Variants in PCDHGA3 observed in about 807,000 individuals in gnomAD.
The protein encoded by PCDHGA3 is protocadherin gamma subfamily A, 3.
PCDHGA3 carries 40 observed loss-of-function variants against 58.5 expected under a neutral mutation model. The observed-to-expected ratio is 0.68, with a 90% CI of 0.53 to 0.89. PCDHGA3 has a LOEUF of 0.89. Among genes scored for constraint, PCDHGA3 ranks in the 40% least tolerant of loss-of-function variants. PCDHGA3 has a pLI of 0.00. For synonymous variants in PCDHGA3, 530 were observed against 525.7 expected (o/e 1.01, Z -0.11); for missense variants, 1,223 against 1,195.9 (o/e 1.02, Z -0.33).
rs898536568 is a variant in PCDHGA3 at position 141,478,080 on chromosome 5, C to T, written c.2425-16727C>T. The T allele has an allele frequency of 1.9e-6, 3 of 1,614,012 alleles. No homozygotes were observed. The Admixed American group carries it at 5.0e-5, about 27-fold the overall frequency. The stretch of plus-strand genomic sequence containing the variant: ...TTGATCAAAGACAATGGGGAGCCTT[C>T]GCTCTCCACCACTGCTACCCTCACT... On this transcript the variant is annotated intron_variant, in intron 1 of 3. Coordinates refer to ENST00000253812, the MANE Select transcript of PCDHGA3 (RefSeq NM_018916.4).
At chr5:141,502,291 G>A (rs1346186675) in intron 2 of PCDHGA3, among the ~76,000 whole-genome samples, 1 of 151,370 alleles carries the variant, frequency 6.6e-6, no homozygotes, top group African/African-American at 2.5e-5. Context: ...GCATTTGGTT[G>A]TCACGTCTTT....
intron 1 of PCDHGA3, among the ~76,000 whole-genome samples, chr5:141,481,300 GA>G (rs998363845): frequency 3.3e-5 from 5 of 152,248 alleles, no homozygotes; most frequent in African/African-American, 1.2e-4. Context: ...TCATCTAAGG[GA>G]AAAACCTTCC....
intron 1 of PCDHGA3, chr5:141,366,483 G>T (rs1194485862): frequency 1.4e-5 from 23 of 1,614,118 alleles, no homozygotes; most frequent in Non-Finnish European, 1.8e-5. Flanking sequence ...AGACTGAGGC[G>T]CTGGCACAAG....
At position 141,476,923 on chromosome 5, in the gene PCDHGA3, G is replaced by A. The variant is rs368207814; in HGVS notation, c.2425-17884G>A. On this transcript the variant is annotated intron_variant, in intron 1 of 3. Transcript: ENST00000253812. This position sits in a 1 kb window ranked among gnomAD's most constrained non-coding sequence, Gnocchi z 7.6. ...CGCGCGTGGTACAAGTCCTTGCAAC[G>A]GATCTGGATGAAGGCCCCAACGGTG... The A allele has an allele frequency of 5.0e-6, 8 of 1,614,024 alleles. No individual in the cohort carries two copies. Among genetic ancestry groups the A allele is most frequent in the African/African-American group, 4.0e-5 (3 of 74,952 alleles).
At chr5:141,357,094 C>T in intron 1 of PCDHGA3, 1 of 1,613,884 alleles carries the variant, frequency 6.2e-7, no homozygotes, top group Non-Finnish European at 8.5e-7. Flanking sequence ...CGCACGGGCC[C>T]TGCTGGACAG....
intron 2 of PCDHGA3, among the ~76,000 whole-genome samples, chr5:141,500,985 C>T (rs2099804537): frequency 6.6e-6 from 1 of 152,048 alleles, no homozygotes; most frequent in Non-Finnish European, 1.5e-5. Flanking sequence ...TCTCCTGCCT[C>T]AGCCTCCTGA....
At chr5:141,440,770 G>A (rs2098199385) in intron 1 of PCDHGA3, 1 of 152,176 alleles carries the variant, frequency 6.6e-6, no homozygotes, top group African/African-American at 2.4e-5. Flanking sequence ...CCATCCCTTA[G>A]TGCTAGCAGC....
At chr5:141,405,104 C>A in intron 1 of PCDHGA3, 3 of 1,613,940 alleles carry the variant, frequency 1.9e-6, no homozygotes, top group Non-Finnish European at 2.5e-6. Flanking sequence ...CAGGCTGAGG[C>A]ACTGGCACTC....
chr5:141,425,742 A>T (rs1315830227), intron 1 of PCDHGA3, among the ~76,000 whole-genome samples: 1 of 152,246 alleles, frequency 6.6e-6, no homozygotes, highest in Non-Finnish European at 1.5e-5. Flanking sequence ...GTTTTCCCAC[A>T]AGGTTTTTGT....
chr5:141,360,278 G>A lies in PCDHGA3; in HGVS notation c.2424+13821G>A, dbSNP rs1761512011. On this transcript the variant is annotated intron_variant, in intron 1 of 3. Transcript: ENST00000253812. ...GAGCTGGCCAAAAACTCGGTCGTAGGAAACCTCGCCAAGGATCTGGGGCTC... is the reference window on the plus strand; with the variant it reads ...GAGCTGGCCAAAAACTCGGTCGTAGAAAACCTCGCCAAGGATCTGGGGCTC... 1.9e-6 allele frequency: 3 copies of A among 1,613,846 alleles called. No individual in the cohort carries two copies. In the African/African-American group the frequency reaches 4.0e-5, roughly 22 times the overall value.
rs748017565 is a variant in PCDHGA3 at position 141,477,404 on chromosome 5, C to G, written c.2425-17403C>G. ...AGAATACAACCTCAGCATCACCGCCCGAGACGCCGGAACCCCTTCCCTCTC... is the reference window on the plus strand; with the variant it reads ...AGAATACAACCTCAGCATCACCGCCGGAGACGCCGGAACCCCTTCCCTCTC... On this transcript the variant is annotated intron_variant, in intron 1 of 3. Coordinates refer to ENST00000253812, the MANE Select transcript of PCDHGA3 (RefSeq NM_018916.4). The surrounding 1 kb of genome is among the most constrained non-coding windows in gnomAD (Gnocchi z 4.9). The G allele has an allele frequency of 1.9e-6, 3 of 1,614,042 alleles. No homozygotes were observed. Among genetic ancestry groups the G allele is most frequent in the African/African-American group, 1.3e-5 (1 of 74,902 alleles).
In PCDHGA3 at chr5:141,504,261, A is replaced by AT. The variant is rs144925096; in HGVS notation, c.2484-1125dup. Among the ~76,000 whole-genome samples the AT allele has an allele frequency of 3.8e-3, 573 of 152,258 alleles. 3 individuals are homozygous for AT. The highest frequency in any genetic ancestry group is 0.012 in the African/African-American group (514 of 41,556). ...CAGAGAGTTCTTCTTATGGTTTAGT[A>AT]TTTTTTTAAATTATGAATCATTTCA... On this transcript the variant is annotated intron_variant, in intron 2 of 3. Transcript: ENST00000253812.
At chr5:141,402,930 G>A (rs1260331134) in intron 1 of PCDHGA3, 1 of 1,584,094 alleles carries the variant, frequency 6.3e-7, no homozygotes, top group Non-Finnish European at 8.6e-7. Flanking sequence ...ATCCTTTTGA[G>A]AAAATTCCAA....
chr5:141,370,281 A>G lies in PCDHGA3; in HGVS notation c.2424+23824A>G, dbSNP rs184302654. The G allele has an allele frequency of 3.3e-5, 30 of 916,904 alleles. No individual in the cohort carries two copies. In the Admixed American group the frequency reaches 8.3e-4, roughly 25 times the overall value. 56.8% of individuals were successfully genotyped at this position (916,904 alleles called of 1,614,324 possible). On this transcript the variant is annotated intron_variant, in intron 1 of 3. Coordinates refer to ENST00000253812, the MANE Select transcript of PCDHGA3 (RefSeq NM_018916.4). ...GCTTCCTGCAGCGGAGACACCCATTAGAGAACCCAAGCACAAAGACAAAGC... is the reference window on the plus strand; with the variant it reads ...GCTTCCTGCAGCGGAGACACCCATTGGAGAACCCAAGCACAAAGACAAAGC...
intron 1 of PCDHGA3, chr5:141,409,633 TG>T: frequency 6.2e-7 from 1 of 1,613,852 alleles, no homozygotes; most frequent in Non-Finnish European, 8.5e-7. Context: ...TGAGCGCCTC[TG>T]ACCCGGATTT....
At chr5:141,464,422 TATAG>T (rs2099083887) in intron 1 of PCDHGA3, among the ~76,000 whole-genome samples, 1 of 151,672 alleles carries the variant, frequency 6.6e-6, no homozygotes, top group African/African-American at 2.4e-5. Context: ...TATCTATATA[TATAG>T]ATATATATGT....
chr5:141,428,098 A>C (rs1387848300), intron 1 of PCDHGA3: 1 of 1,608,664 alleles, frequency 6.2e-7, no homozygotes, highest in South Asian at 1.1e-5. Context: ...CTGTCCTACC[A>C]CGTGCTGCAG....
At position 141,413,304 on chromosome 5, in the gene PCDHGA3, A is replaced by T; in HGVS notation, c.2424+66847A>T. The T allele has an allele frequency of 1.9e-6, 3 of 1,613,982 alleles. No individual in the cohort carries two copies. The Admixed American group carries it at 5.0e-5, about 27-fold the overall frequency. On this transcript the variant is annotated intron_variant, in intron 1 of 3. Transcript: ENST00000253812. Reference sequence around the variant, plus strand: ...TCTCCTACTCAATTCCTGAGGAATTAGAGAAAGGCTCTTTCGTGGGCAACA... The same window carrying T: ...TCTCCTACTCAATTCCTGAGGAATTTGAGAAAGGCTCTTTCGTGGGCAACA...
rs760709557 is a variant in PCDHGA3, at chr5:141,384,156, C to T, written c.2424+37699C>T. The T allele has an allele frequency of 1.6e-5, 26 of 1,613,342 alleles. No homozygotes were observed. The Admixed American group carries it at 4.2e-4, about 26-fold the overall frequency. ...ACCGGGAAACACTCTCTTTGTATAA[C>T]ATCACACTGAAAGCCACAGATGGTG... On this transcript the variant is annotated intron_variant, in intron 1 of 3. Transcript: ENST00000253812.
Sources: gnomAD v4.1 joint callset for allele counts (sites outside exome capture counted in the v4.1 genomes callset) on GRCh38, gnomAD v4.1.1 for gene constraint, Gnocchi (gnomAD v3.1) non-coding constraint, MANE v1.5 for transcripts, NCBI Gene and HGNC (gene_info 2026-07-23, HGNC 2026-07-21) for gene names.